Variants in CLCN5 observed in about 807,000 individuals in gnomAD.
The protein encoded by CLCN5 is Cl-/H+ antiporter 5.
CLCN5 carries 17 observed loss-of-function variants against 54.0 expected under a neutral mutation model. The ratio of observed to expected loss-of-function variants is 0.31; its 90% confidence interval spans 0.22 to 0.47. The LOEUF (loss-of-function observed/expected upper bound fraction) is 0.47. CLCN5 is among the 20% of genes least tolerant of loss of function. The probability of loss-of-function intolerance (pLI) is 1.00; values close to 1 mark genes in which losing one functional copy is unlikely to be tolerated. For synonymous variants in CLCN5, 222 were observed against 233.0 expected, an observed-to-expected ratio of 0.95 and a Z score of 0.43; for missense variants, 448 against 646.7, an observed-to-expected ratio of 0.69 and a Z score of 3.33.
chrX:49,972,055 T>A (rs1216969936), intron 3 of CLCN5, among the ~76,000 whole-genome samples: 3 of 109,659 alleles, frequency 2.7e-5, no homozygotes, highest in Non-Finnish European at 5.7e-5. Context: ...TTACTCAGAT[T>A]TCAGATTTAC....
intron 3 of CLCN5, among the ~76,000 whole-genome samples, chrX:50,013,067 C>A (rs1414845242): frequency 1.8e-5 from 2 of 111,339 alleles, no homozygotes; most frequent in African/African-American, 6.5e-5. Flanking sequence ...ACAACAAGTA[C>A]TTTATTAGGG....
At chrX:50,028,464 C>G (rs868926898) in intron 3 of CLCN5, among the ~76,000 whole-genome samples, 3 of 111,929 alleles carry the variant, frequency 2.7e-5, no homozygotes, top group Non-Finnish European at 5.6e-5. Context: ...CTTATCCACA[C>G]TCAGCCTCCT....
At chrX:50,036,460 G>A (rs1932002935) in intron 3 of CLCN5, among the ~76,000 whole-genome samples, 1 of 112,183 alleles carries the variant, frequency 8.9e-6, no homozygotes, top group Admixed American at 9.4e-5. Flanking sequence ...TTCTGTCAGT[G>A]GGTTACAGGA....
At chrX:50,060,246 C>T (rs1369815928) in intron 4 of CLCN5, among the ~76,000 whole-genome samples, 8 of 110,768 alleles carry the variant, frequency 7.2e-5, no homozygotes, top group Non-Finnish European at 1.1e-4. Context: ...TCTGAGGTAC[C>T]GGGTTCATCT....
intron 3 of CLCN5, among the ~76,000 whole-genome samples, chrX:50,036,474 A>C (rs1932003431): frequency 8.9e-6 from 1 of 112,383 alleles, no homozygotes; most frequent in Admixed American, 9.4e-5. Flanking sequence ...TACAGGAAGA[A>C]GTTCGTAAGG....
At chrX:50,066,086 G>A (rs1277368900) in intron 4 of CLCN5, among the ~76,000 whole-genome samples, 4 of 101,697 alleles carry the variant, frequency 3.9e-5, no homozygotes, top group East Asian at 3.1e-4. Flanking sequence ...TGGGTGCAGC[G>A]CACCAGCATG....
intron 9 of CLCN5, 112 bp downstream of exon 9, chrX:50,081,959 C>T: frequency 1.5e-6 from 1 of 645,804 alleles, no homozygotes; most frequent in Non-Finnish European, 2.4e-6. Context: ...ACCCTTTGAC[C>T]CAGCAATTCC....
At chrX:50,057,421 A>G (rs1341267422) in intron 4 of CLCN5, among the ~76,000 whole-genome samples, 11 of 68,117 alleles carry the variant, frequency 1.6e-4, no homozygotes, top group African/African-American at 4.6e-4. Context: ...GATACTATCC[A>G]GGACTCTCCT....
chrX:50,033,799 A>T (rs925009318), intron 3 of CLCN5, among the ~76,000 whole-genome samples: 1 of 112,086 alleles, frequency 8.9e-6, no homozygotes, highest in African/African-American at 3.2e-5. Context: ...ATATCTATAG[A>T]TGTTATCGAT....
chrX:49,947,730 T>G (rs1253918740), intron 3 of CLCN5, among the ~76,000 whole-genome samples: 1 of 111,344 alleles, frequency 9.0e-6, no homozygotes, highest in African/African-American at 3.3e-5. Context: ...ACTGGACCCA[T>G]TCGCTGTCGT....
intron 3 of CLCN5, among the ~76,000 whole-genome samples, chrX:50,014,376 A>G (rs910809777): frequency 2.0e-4 from 22 of 111,977 alleles, no homozygotes; most frequent in African/African-American, 7.1e-4. Flanking sequence ...CACAAGATGG[A>G]CTTGGTTCTT....
rs1313801461 is a variant in CLCN5 at position 50,032,690 on chromosome X, A to G, written c.17-9626A>G. On this transcript the variant is annotated intron_variant, in intron 3 of 14. Coordinates refer to ENST00000376091, the MANE Select transcript of CLCN5 (RefSeq NM_001127898.4). ...TAGGTTGCCTGTTCACTCTGATGGT[A>G]GTTTCTTTTGCTGTGCGGAAGCTCT... 1.9e-4 allele frequency among the ~76,000 whole-genome samples: 21 copies of G among 109,405 alleles called. No individual in the cohort carries two copies. In the South Asian group the frequency reaches 2.3e-3, roughly 12 times the overall value.
chrX:50,071,891 T>A (rs1706938715), intron 5 of CLCN5, among the ~76,000 whole-genome samples: 1 of 111,736 alleles, frequency 8.9e-6, no homozygotes, highest in Non-Finnish European at 1.9e-5. Flanking sequence ...GGTTAAATTG[T>A]CAAGTCTAGG....
At chrX:49,973,638 G>C (rs782195839) in intron 3 of CLCN5, among the ~76,000 whole-genome samples, 2 of 109,414 alleles carry the variant, frequency 1.8e-5, no homozygotes, top group Admixed American at 2.0e-4. Flanking sequence ...GATGGTCCCT[G>C]ACCTATGATG....
At chrX:49,926,594 T>C (rs782027878) in intron 3 of CLCN5, among the ~76,000 whole-genome samples, 3 of 111,830 alleles carry the variant, frequency 2.7e-5, no homozygotes, top group Non-Finnish European at 5.6e-5. Flanking sequence ...AGAGCAGCAC[T>C]GTTTGGGAAG....
intron 3 of CLCN5, among the ~76,000 whole-genome samples, chrX:50,026,259 A>C (rs368716674): frequency 8.9e-6 from 1 of 111,869 alleles, no homozygotes; most frequent in Non-Finnish European, 1.9e-5. Context: ...TGTTCTTTTA[A>C]ATTTGTTAAA....
At chrX:49,998,199 G>A (rs1557179894) in intron 3 of CLCN5, among the ~76,000 whole-genome samples, 1 of 111,415 alleles carries the variant, frequency 9.0e-6, no homozygotes, top group Non-Finnish European at 1.9e-5. Context: ...GCAGGCATAG[G>A]GAGATTAGGC....
At chrX:49,951,742 G>A (rs1467117381) in intron 3 of CLCN5, among the ~76,000 whole-genome samples, 1 of 111,843 alleles carries the variant, frequency 8.9e-6, no homozygotes, top group Non-Finnish European at 1.9e-5. Flanking sequence ...ATACTCAAAG[G>A]AACATGCAGA....
Position 49,963,443 on chromosome X carries a change from C to T in CLCN5, c.16+38129C>T, listed in dbSNP as rs1438090338. On this transcript the variant is annotated intron_variant, in intron 3 of 14. Coordinates refer to ENST00000376091, the MANE Select transcript of CLCN5 (RefSeq NM_001127898.4). ...AAAAACCCCAATCCATATGTGTGTACATATGTGTACATAAACCAGGCAGCT... is the reference window on the plus strand; with the variant it reads ...AAAAACCCCAATCCATATGTGTGTATATATGTGTACATAAACCAGGCAGCT... 9.8e-5 allele frequency among the ~76,000 whole-genome samples: 11 copies of T among 111,782 alleles called. No homozygotes were observed. The Admixed American group carries it at 1.0e-3, about 11-fold the overall frequency.
Sources: allele counts gnomAD v4.1 joint callset (sites outside exome capture counted in the v4.1 genomes callset), GRCh38; gene constraint gnomAD v4.1.1; transcripts MANE v1.5; gene names NCBI Gene and HGNC (gene_info 2026-07-23, HGNC 2026-07-21).